OSBPL8: variants seen among roughly 807,000 people sequenced by gnomAD.
OSBPL8 encodes oxysterol binding protein like 8, also known as oxysterol-binding protein-related protein 8.
Under a neutral mutation model 125.5 loss-of-function variants are expected in OSBPL8, and 59 were observed. That is an observed-to-expected ratio of 0.47 (90% confidence interval 0.38 to 0.58). The LOEUF (loss-of-function observed/expected upper bound fraction) is 0.58, where lower values mean the gene tolerates loss of function less well. Among genes scored for constraint, OSBPL8 ranks in the 20% least tolerant of loss-of-function variants. OSBPL8 has a pLI of 0.00. For synonymous variants in OSBPL8, 330 were observed against 338.9 expected (o/e 0.97, Z 0.29); for missense variants, 758 against 1,047.8 (o/e 0.72, Z 3.82).
In OSBPL8 at chr12:76,485,512, C is replaced by T. The variant is rs567876769; in HGVS notation, c.42+1998G>A. 4.5e-4 allele frequency among the ~76,000 whole-genome samples: 68 copies of T among 152,184 alleles called. 1 individual carries two copies. In the South Asian group the frequency reaches 0.012, roughly 27 times the overall value. On this transcript the variant is annotated intron_variant, in intron 2 of 23. Transcript: ENST00000261183. ...TGCTTGAACCAGGAGGCGGAGGTTGCGGTGAGCAGAGATCACGCCACCGCA... is the reference window on the plus strand; with the variant it reads ...TGCTTGAACCAGGAGGCGGAGGTTGTGGTGAGCAGAGATCACGCCACCGCA...
At chr12:76,518,503 T>C (rs1881767927) in intron 1 of OSBPL8, among the ~76,000 whole-genome samples, 1 of 152,122 alleles carries the variant, frequency 6.6e-6, no homozygotes, top group Admixed American at 6.5e-5. Flanking sequence ...CCACTTTCCA[T>C]AGTTCCACTA....
intron 11 of OSBPL8, 25 bp from the exon 12 acceptor site, chr12:76,389,854 A>G: frequency 1.4e-6 from 2 of 1,446,364 alleles, no homozygotes; most frequent in Non-Finnish European, 1.8e-6. Context: ...GAAAATTACC[A>G]AAACATTATA....
intron 2 of OSBPL8, among the ~76,000 whole-genome samples, chr12:76,474,578 C>G (rs1876570628): frequency 6.6e-6 from 1 of 152,270 alleles, no homozygotes; most frequent in South Asian, 2.1e-4. Flanking sequence ...ACCGCCAGGG[C>G]TCTAGTGATC....
chr12:76,421,166 C>A (rs1225502096), intron 4 of OSBPL8, among the ~76,000 whole-genome samples: 1 of 151,670 alleles, frequency 6.6e-6, no homozygotes, highest in Non-Finnish European at 1.5e-5. Flanking sequence ...AGCTTGTTGG[C>A]CTAAAAAATG....
At position 76,389,742 on chromosome 12, in the gene OSBPL8, C is replaced by A. The variant is rs760341105; in HGVS notation, c.1255G>T (p.Asp419Tyr). ...TLLKQVRPGMDLSKVVLPTFI... is the reference protein window; with the variant it reads ...TLLKQVRPGMYLSKVVLPTFI... ...GTAGGCAGAACCACCTTGGATAGGT[C>A]CATGCCAGGACGGACTTGTTTCAAT... The change falls in exon 12 of 24, where the codon GAC becomes TAC. Residue 419 changes from aspartate (D) to tyrosine (Y), a missense_variant. This residue lies in a region of OSBPL8 where 572 missense variants were observed against 762.0 expected (regional missense o/e 0.75). Transcript: ENST00000261183. 6.2e-7 allele frequency: 1 copy of A among 1,607,944 alleles called. No individual in the cohort carries two copies. Among genetic ancestry groups the A allele is most frequent in the East Asian group, 2.2e-5 (1 of 44,682 alleles).
chr12:76,496,233 C>A (rs1426529983), intron 1 of OSBPL8, among the ~76,000 whole-genome samples: 3 of 152,016 alleles, frequency 2.0e-5, no homozygotes, highest in Non-Finnish European at 4.4e-5. Flanking sequence ...GGTGTTCTTC[C>A]GTCCAGGGAA....
intron 1 of OSBPL8, among the ~76,000 whole-genome samples, chr12:76,514,743 T>C (rs931075883): frequency 3.9e-5 from 6 of 152,238 alleles, no homozygotes; most frequent in East Asian, 3.8e-4. Context: ...TCCTGAAATA[T>C]GTTCTGTAAG....
chr12:76,524,247 A>C (rs977171137), intron 1 of OSBPL8, among the ~76,000 whole-genome samples: 1 of 152,210 alleles, frequency 6.6e-6, no homozygotes, highest in Non-Finnish European at 1.5e-5. Flanking sequence ...TGTCTATGAA[A>C]GCAATATAAT....
chr12:76,395,854 C>T (rs1284779447), intron 8 of OSBPL8, among the ~76,000 whole-genome samples: 1 of 151,878 alleles, frequency 6.6e-6, no homozygotes, highest in African/African-American at 2.4e-5. Context: ...GTAGGTTTTG[C>T]TTGTGGGAAG....
At chr12:76,450,093 T>C (rs1873202572) in intron 4 of OSBPL8, among the ~76,000 whole-genome samples, 1 of 152,184 alleles carries the variant, frequency 6.6e-6, no homozygotes, top group South Asian at 2.1e-4. Context: ...TAAAGTGATT[T>C]GCAAAAACCG....
chr12:76,503,723 T>G (rs895967454), intron 1 of OSBPL8, among the ~76,000 whole-genome samples: 6 of 151,944 alleles, frequency 3.9e-5, no homozygotes, highest in Non-Finnish European at 7.4e-5. Flanking sequence ...TTTTGTATTT[T>G]TAGTAGAGAC....
chr12:76,398,110 C>CCA (rs1209489906), intron 7 of OSBPL8, among the ~76,000 whole-genome samples: 1 of 152,054 alleles, frequency 6.6e-6, no homozygotes, highest in Non-Finnish European at 1.5e-5. Flanking sequence ...GGGAGACAGG[C>CCA]CAACAGTTTC....
chr12:76,450,659 TAA>T (rs1345089774), intron 4 of OSBPL8, among the ~76,000 whole-genome samples, 190 bp downstream of exon 4: 1 of 151,578 alleles, frequency 6.6e-6, no homozygotes, highest in Admixed American at 6.6e-5. Context: ...TAAAAAAAAT[TAA>T]AAGTCTAAAG....
chr12:76,409,937 A>G (rs1954440877), intron 5 of OSBPL8, among the ~76,000 whole-genome samples: 1 of 152,322 alleles, frequency 6.6e-6, no homozygotes, highest in Middle Eastern at 3.4e-3. Flanking sequence ...ACCAGAAAGA[A>G]CAGCCAAAAG....
At chr12:76,435,506 T>C (rs1199600988) in intron 4 of OSBPL8, among the ~76,000 whole-genome samples, 3 of 152,068 alleles carry the variant, frequency 2.0e-5, no homozygotes, top group Admixed American at 2.0e-4. Flanking sequence ...TATTAAATAC[T>C]TGAAATTTGC....
At position 76,372,169 on chromosome 12, in the gene OSBPL8, CCTT is replaced by C. The variant is rs536823497; in HGVS notation, c.1918-588_1918-586del. ...TATCTACCTGTTTAACCATCCTTCT[CCTT>C]CTCTCTCTCTCTGTCATCTCTCACT... On this transcript the variant is annotated intron_variant, in intron 18 of 23. Transcript: ENST00000261183. Among the ~76,000 whole-genome samples the C allele has an allele frequency of 4.5e-4, 69 of 152,088 alleles. No homozygotes were observed. The Middle Eastern group carries it at 0.014, about 30-fold the overall frequency.
At chr12:76,523,926 ATCT>A (rs1950091758) in intron 1 of OSBPL8, among the ~76,000 whole-genome samples, 1 of 152,202 alleles carries the variant, frequency 6.6e-6, no homozygotes, top group South Asian at 2.1e-4. Flanking sequence ...AATATGACAA[ATCT>A]TCTCAATGGC....
intron 4 of OSBPL8, among the ~76,000 whole-genome samples, chr12:76,415,969 C>T (rs973784397): frequency 6.6e-6 from 1 of 151,812 alleles, no homozygotes; most frequent in African/African-American, 2.4e-5. Context: ...GGAGATTTTG[C>T]TCTTATTTTT....
chr12:76,490,758 CA>C (rs1194700866), intron 1 of OSBPL8, among the ~76,000 whole-genome samples: 8 of 152,210 alleles, frequency 5.3e-5, no homozygotes, highest in African/African-American at 1.9e-4. Flanking sequence ...GCAGCCATCT[CA>C]TGCAAAAAGG....
Sources: gnomAD v4.1 joint callset for allele counts (sites outside exome capture counted in the v4.1 genomes callset) on GRCh38, gnomAD v4.1.1 for gene constraint, gnomAD v4.1.1 regional missense constraint, MANE v1.5 for transcripts, NCBI Gene and HGNC (gene_info 2026-07-23, HGNC 2026-07-21) for gene names.